Variants in SLC5A12 observed in about 807,000 individuals in gnomAD.
SLC5A12 encodes sodium-coupled monocarboxylate transporter 2.
In SLC5A12, 46 loss-of-function variants were observed where a neutral mutation model predicts 72.7. The ratio of observed to expected loss-of-function variants is 0.63; its 90% CI spans 0.50 to 0.81. SLC5A12 has a LOEUF of 0.81. Among genes scored for constraint, SLC5A12 ranks in the 30% least tolerant of loss-of-function variants. SLC5A12 has a pLI of 0.00. For missense variants in SLC5A12, 683 were observed against 740.7 expected (o/e 0.92, Z 0.90); for synonymous variants, 275 against 264.4 (o/e 1.04, Z -0.39).
chr11:26,681,074 G>A lies in SLC5A12; in HGVS notation c.1456C>T (p.Pro486Ser). ...CIKSNVTATG[P>S]PVLSSRPGIA... is the part of the protein sequence containing the mutation. ...GCATACCTGCTGGATAGTACTGGAG[G>A]CCCTGTTGCTGTCACATTTGATTTG... is the stretch of plus-strand genomic sequence containing the variant. Residue 486 changes from proline to serine, a missense_variant, in exon 12 of 15, where the codon CCT becomes TCT. By Grantham distance (74) the Pro-to-Ser change is moderately conservative (BLOSUM62 -1). Transcript: ENST00000396005. The A allele has an allele frequency of 1.2e-6, 2 of 1,607,704 alleles. No individual in the cohort carries two copies. The highest frequency in any genetic ancestry group is 1.7e-6 in the Non-Finnish European group (2 of 1,176,824).
chr11:26,712,574 CA>C, intron 2 of SLC5A12, 66 bp downstream of exon 2: 2 of 1,256,482 alleles, frequency 1.6e-6, no homozygotes, highest in South Asian at 1.9e-5. Context: ...TTATTGCCCC[CA>C]AAATAAACAA....
At chr11:26,716,854 G>A (rs1855362057) in intron 1 of SLC5A12, among the ~76,000 whole-genome samples, 1 of 152,060 alleles carries the variant, frequency 6.6e-6, no homozygotes, top group African/African-American at 2.4e-5. Flanking sequence ...AGCAGTAAAA[G>A]CCCTAAAATT....
intron 1 of SLC5A12, among the ~76,000 whole-genome samples, chr11:26,714,600 A>G (rs374472040): frequency 3.3e-5 from 5 of 152,272 alleles, no homozygotes; most frequent in South Asian, 2.1e-4. Context: ...TAAAGTATCA[A>G]TTGGCTTGAG....
chr11:26,712,670 C>A lies in SLC5A12; in HGVS notation c.376G>T (p.Ala126Ser). 6.3e-7 allele frequency: 1 copy of A among 1,590,036 alleles called. No homozygotes were observed. The highest frequency in any genetic ancestry group is 8.6e-7 in the Non-Finnish European group (1 of 1,162,376). ...QLRFNKPVRY[A>S]ATVIYIVQTI... ...TGTACAATGTAGATGACCGTGGCAGCATAGCGAACTGGTTTGTTGAATCGT... is the reference window on the plus strand; with the variant it reads ...TGTACAATGTAGATGACCGTGGCAGAATAGCGAACTGGTTTGTTGAATCGT... The change falls in exon 2 of 15, where the codon GCT (alanine) becomes TCT (serine). Residue 126 changes from alanine to serine, a missense_variant. Coordinates refer to ENST00000396005, the MANE Select transcript of SLC5A12 (RefSeq NM_178498.4).
In SLC5A12 at chr11:26,686,518, AGG is replaced by A; in HGVS notation, c.1178_1179del (p.Thr393IlefsTer72). Reference protein sequence around the residue: ...GLCLLFGVMCTSMAVAASVMG... With the variant: ...GLCLLFGVMCXSMAVAASVMG... The stretch of plus-strand genomic sequence containing the variant: ...ATGACAGATGCAGCCACAGCCATAG[AGG>A]TACACATCACGCCAAATAAGAGACC... On this transcript the variant is annotated frameshift_variant, in exon 10 of 15. Coordinates refer to ENST00000396005, the MANE Select transcript of SLC5A12 (RefSeq NM_178498.4). LOFTEE classifies it high-confidence loss of function. The A allele has an allele frequency of 6.2e-7, 1 of 1,614,012 alleles. No individual in the cohort carries two copies. Among genetic ancestry groups the A allele is most frequent in the Non-Finnish European group, 8.5e-7 (1 of 1,179,928 alleles).
At chr11:26,693,379 A>G (rs1470052918) in intron 8 of SLC5A12, among the ~76,000 whole-genome samples, 1 of 152,204 alleles carries the variant, frequency 6.6e-6, no homozygotes, top group African/African-American at 2.4e-5. Context: ...ACAGTAAAAG[A>G]GAAAGTAGCA....
intron 13 of SLC5A12, among the ~76,000 whole-genome samples, chr11:26,676,354 G>GAAAAAAAAAAA (rs1565183526): frequency 9.3e-6 from 1 of 107,294 alleles, no homozygotes; most frequent in Admixed American, 1.1e-4. Context: ...TCTGTTTCTA[G>GAAAAAAAAAAA]AAAACAAAAA....
chr11:26,674,079 C>A (rs1854208553), intron 13 of SLC5A12, among the ~76,000 whole-genome samples: 1 of 152,060 alleles, frequency 6.6e-6, no homozygotes, highest in Non-Finnish European at 1.5e-5. Context: ...TGAAACATAC[C>A]TGTTCAATGT....
At chr11:26,680,343 A>G (rs991569973) in intron 12 of SLC5A12, among the ~76,000 whole-genome samples, 1 of 132,284 alleles carries the variant, frequency 7.6e-6, no homozygotes, top group African/African-American at 3.0e-5. Flanking sequence ...ATATATGTAT[A>G]TATATTCATA....
chr11:26,671,329 G>T, intron 14 of SLC5A12, 78 bp from the exon 15 acceptor site: 2 of 1,333,166 alleles, frequency 1.5e-6, no homozygotes, highest in Non-Finnish European at 2.0e-6. Context: ...TCTTGTTTAG[G>T]CCTTGGCTTC....
intron 9 of SLC5A12, among the ~76,000 whole-genome samples, chr11:26,686,978 T>C (rs915854091): frequency 3.3e-5 from 5 of 152,230 alleles, no homozygotes; most frequent in African/African-American, 1.2e-4. Context: ...AATGGTTAAA[T>C]AATGTCTACA....
chr11:26,696,637 A>G (rs550950862), intron 8 of SLC5A12, among the ~76,000 whole-genome samples: 1 of 152,350 alleles, frequency 6.6e-6, no homozygotes, highest in East Asian at 1.9e-4. Flanking sequence ...AGGCAATTGT[A>G]ATACAATCAC....
chr11:26,673,440 A>C lies in SLC5A12; in HGVS notation c.1669T>G (p.Cys557Gly). ...CFWSKKYKTL[C>G]WCGVQHDSGT... is the part of the protein sequence containing the mutation. ...CTGTCATGCTGAACTCCACACCAGC[A>C]TAGTGTTTTGTACTTCTTAGACCAA... The change falls in exon 14 of 15, where the codon TGC becomes GGC. Residue 557 changes from cysteine (C) to glycine (G), a missense_variant. Coordinates refer to ENST00000396005, the MANE Select transcript of SLC5A12 (RefSeq NM_178498.4). 1.2e-6 allele frequency: 2 copies of C among 1,611,034 alleles called. No homozygotes were observed. Among genetic ancestry groups the C allele is most frequent in the Non-Finnish European group, 1.7e-6 (2 of 1,178,578 alleles).
In SLC5A12 at chr11:26,692,646, C is replaced by T. The variant is rs369357804; in HGVS notation, c.1041-45G>A. ...AGAACATGGTCTAAGCTATATAAGG[C>T]GGAGCTACCAGCCTGCCCTCTTGTC... On this transcript the variant is annotated intron_variant, in intron 8 of 14. Coordinates refer to ENST00000396005, the MANE Select transcript of SLC5A12 (RefSeq NM_178498.4). The T allele has an allele frequency of 8.1e-5, 113 of 1,394,426 alleles. No homozygotes were observed. In the African/African-American group the frequency reaches 8.9e-4, roughly 11 times the overall value. 86.4% of individuals were successfully genotyped at this position (1,394,426 alleles called of 1,614,324 possible).
Position 26,669,625 on chromosome 11 carries a change from C to T in SLC5A12, c.*1477G>A, listed in dbSNP as rs1277925351. 5 of 151,862 alleles carry T rather than the reference C, an allele frequency of 3.3e-5. No individual in the cohort carries two copies. The highest frequency in any genetic ancestry group is 9.7e-5 in the African/African-American group (4 of 41,398). The allele number at this position is 151,862 out of a possible 1,614,324, so 9.4% of individuals were successfully genotyped here. On this transcript the variant is annotated 3_prime_UTR_variant, in exon 15 of 15. Coordinates refer to ENST00000396005, the MANE Select transcript of SLC5A12 (RefSeq NM_178498.4). ...AGGATTGGGCTCTGTTTTATAAACT[C>T]CAGTTTCTCTGTTTTAATTCCTCCA...
At chr11:26,686,434 A>G in intron 10 of SLC5A12, 43 bp downstream of exon 10, 1 of 1,575,278 alleles carries the variant, frequency 6.3e-7, no homozygotes, top group Non-Finnish European at 8.7e-7. Context: ...GAGTGGGGGG[A>G]AGTTCCAGTG....
intron 4 of SLC5A12, among the ~76,000 whole-genome samples, chr11:26,707,549 A>G (rs1855118976): frequency 6.6e-6 from 1 of 151,758 alleles, no homozygotes; most frequent in Non-Finnish European, 1.5e-5. Flanking sequence ...CTTTGGATAG[A>G]GTTTCCATCA....
intron 1 of SLC5A12, among the ~76,000 whole-genome samples, chr11:26,720,672 T>C (rs1855458695): frequency 1.3e-5 from 2 of 152,182 alleles, no homozygotes; most frequent in African/African-American, 4.8e-5. Flanking sequence ...TGATCACATT[T>C]CTATATAGAG....
At chr11:26,672,674 A>G (rs971877528) in intron 14 of SLC5A12, among the ~76,000 whole-genome samples, 3 of 152,120 alleles carry the variant, frequency 2.0e-5, no homozygotes. Context: ...ACCTTGCTGC[A>G]TCAAGTCAGT....
Sources: allele counts gnomAD v4.1 joint callset (sites outside exome capture counted in the v4.1 genomes callset), GRCh38; gene constraint gnomAD v4.1.1; transcripts MANE v1.5; gene names NCBI Gene and HGNC (gene_info 2026-07-23, HGNC 2026-07-21).